ATG2B: variants seen among roughly 807,000 people sequenced by gnomAD.
ATG2B encodes the protein autophagy-related protein 2 homolog B.
Under a neutral mutation model 241.3 loss-of-function variants are expected in ATG2B, and 121 were observed. That is an observed-to-expected ratio of 0.50 (90% confidence interval 0.43 to 0.58). The LOEUF (loss-of-function observed/expected upper bound fraction) is 0.58. ATG2B is among the 20% of genes least tolerant of loss of function. ATG2B has a pLI of 0.00. For synonymous variants in ATG2B, 858 were observed against 876.6 expected, an observed-to-expected ratio of 0.98 and a Z score of 0.37; for missense variants, 2,306 against 2,491.6, an observed-to-expected ratio of 0.93 and a Z score of 1.59.
chr14:96,291,947 C>A, intron 37 of ATG2B, 82 bp downstream of exon 37: 1 of 986,264 alleles, frequency 1.0e-6, no homozygotes, highest in Non-Finnish European at 1.5e-6. Context: ...TAAACTATGA[C>A]AAAGCAAAGT....
In ATG2B at chr14:96,341,548, G is replaced by T. The variant is rs1770576338; in HGVS notation, c.898C>A (p.Gln300Lys). The change falls in exon 6 of 42, where the codon CAG becomes AAG. Residue 300 changes from glutamine (Q) to lysine (K), a missense_variant. Transcript: ENST00000359933. ...GRLELSLTLK[Q>K]NEVLPGAKLD... ...TTAGCTCCAGGAAGCACTTCATTCT[G>T]TTTCAACGTGAGACTCAACTCCAAC... 1.3e-6 allele frequency: 2 copies of T among 1,598,718 alleles called. No homozygotes were observed. Among genetic ancestry groups the T allele is most frequent in the African/African-American group, 1.3e-5 (1 of 74,612 alleles).
At chr14:96,317,021 G>C (rs935780990) in intron 20 of ATG2B, 124 bp downstream of exon 20, 1 of 943,370 alleles carries the variant, frequency 1.1e-6, no homozygotes. Context: ...CCAGGACACT[G>C]GTCTTCATCA....
chr14:96,308,233 TATATATATATATATATATACACACA>T (rs1566719582), intron 29 of ATG2B, among the ~76,000 whole-genome samples: 1 of 14,368 alleles, frequency 7.0e-5, no homozygotes, highest in African/African-American at 2.4e-4. Flanking sequence ...TATATATACA[TATATATATATATATATATACACACA>T]TATATATATA....
chr14:96,286,838 T>A (rs1886347130), intron 41 of ATG2B, among the ~76,000 whole-genome samples: 2 of 152,106 alleles, frequency 1.3e-5, no homozygotes, highest in Middle Eastern at 3.2e-3. Context: ...GAACTTTGAG[T>A]TCTCCAGGGA....
At position 96,312,155 on chromosome 14, in the gene ATG2B, T is replaced by C. The variant is rs376529462; in HGVS notation, c.3847A>G (p.Ile1283Val). 2 of 1,598,154 alleles carry C rather than the reference T, an allele frequency of 1.3e-6. No homozygotes were observed. The highest frequency in any genetic ancestry group is 1.4e-5 in the African/African-American group (1 of 73,648). ...AGATGTAAAGCAGCTTCATCCAAGA[T>C]TATTCTGAGGCAAGAAAGATAAAAC... ...LDKSSSTLRI[I>V]LDEAALHLSD... Residue 1283 changes from isoleucine (I) to valine (V), a missense_variant, in exon 26 of 42, where the codon ATC becomes GTC. Coordinates refer to ENST00000359933, the MANE Select transcript of ATG2B (RefSeq NM_018036.7).
At position 96,331,491 on chromosome 14, in the gene ATG2B, T is replaced by C; in HGVS notation, c.1615A>G (p.Met539Val). Residue 539 changes from methionine to valine, a missense_variant, in exon 11 of 42, where the codon ATG becomes GTG. Met to Val is a conservative substitution (Grantham distance 21, BLOSUM62 1). Transcript: ENST00000359933. ...TSQNLNPLTP[M>V]AVAFFTCIEK... ...ATACAAGTAAAGAAAGCTACTGCCA[T>C]AGGTGTCAATGGATTAAGGTTCTGT... 1 of 1,614,098 alleles carries C rather than the reference T, an allele frequency of 6.2e-7. No individual in the cohort carries two copies. Among genetic ancestry groups the C allele is most frequent in the Non-Finnish European group, 8.5e-7 (1 of 1,179,974 alleles).
chr14:96,354,661 TG>T (rs2139908767), intron 1 of ATG2B, among the ~76,000 whole-genome samples: 2 of 152,318 alleles, frequency 1.3e-5, no homozygotes, highest in African/African-American at 4.8e-5. Flanking sequence ...CTAGGTCAAA[TG>T]GTATTTCTGC....
chr14:96,307,952 C>G (rs1886998660), intron 29 of ATG2B, among the ~76,000 whole-genome samples: 1 of 151,728 alleles, frequency 6.6e-6, no homozygotes, highest in Non-Finnish European at 1.5e-5. Context: ...GCTGAGAACA[C>G]TAAGCTGAAT....
At chr14:96,352,435 C>T (rs1888351574) in intron 1 of ATG2B, among the ~76,000 whole-genome samples, 1 of 151,222 alleles carries the variant, frequency 6.6e-6, no homozygotes, top group East Asian at 1.9e-4. Context: ...TCAGGAGGTA[C>T]CCAGAAGAAG....
At chr14:96,325,004 T>A (rs1425534568) in intron 15 of ATG2B, among the ~76,000 whole-genome samples, 3 of 152,196 alleles carry the variant, frequency 2.0e-5, no homozygotes, top group African/African-American at 7.2e-5. Context: ...CTTGGTTCAC[T>A]TTAAAGTTTT....
chr14:96,306,239 G>A (rs561178863), intron 30 of ATG2B, among the ~76,000 whole-genome samples: 1 of 152,110 alleles, frequency 6.6e-6, no homozygotes, highest in African/African-American at 2.4e-5. Flanking sequence ...TAACCAGAAG[G>A]TTCTCAGAAC....
intron 12 of ATG2B, 73 bp downstream of exon 12, chr14:96,329,411 T>C: frequency 9.5e-7 from 1 of 1,050,582 alleles, no homozygotes; most frequent in Non-Finnish European, 1.3e-6. Context: ...AAGAAAATCA[T>C]TGCCTCATAC....
At chr14:96,296,145 G>A (rs186003347) in intron 34 of ATG2B, among the ~76,000 whole-genome samples, 31 of 152,294 alleles carry the variant, frequency 2.0e-4, no homozygotes, top group Admixed American at 1.4e-3. Context: ...AGTAGAGACC[G>A]GGTTTCACCA....
chr14:96,306,977 T>A, intron 29 of ATG2B, 61 bp from the exon 30 acceptor site: 1 of 1,367,476 alleles, frequency 7.3e-7, no homozygotes, highest in Non-Finnish European at 1.0e-6. Flanking sequence ...ACAAGCATTT[T>A]AACCATGTGT....
Position 96,290,003 on chromosome 14 carries a change from A to C in ATG2B, c.5857-198T>G. On this transcript the variant is annotated intron_variant, in intron 40 of 41. Coordinates refer to ENST00000359933, the MANE Select transcript of ATG2B (RefSeq NM_018036.7). This position sits in a 1 kb window ranked among gnomAD's most constrained non-coding sequence, Gnocchi z 4.4. ...GAGAACATAAAAGTATAAATTAATAACTAACACCTGGATTGAGCTAAATTT... is the reference window on the plus strand; with the variant it reads ...GAGAACATAAAAGTATAAATTAATACCTAACACCTGGATTGAGCTAAATTT... 1 of 870,438 alleles carries C rather than the reference A, an allele frequency of 1.1e-6. No homozygotes were observed. The highest frequency in any genetic ancestry group is 2.4e-4 in the Middle Eastern group (1 of 4,084). 53.9% of individuals were successfully genotyped at this position (870,438 alleles called of 1,614,324 possible). A position where few individuals can be genotyped will look rare whatever the true frequency, so the allele number is the denominator to read the frequency against.
chr14:96,345,275 G>A lies in ATG2B; in HGVS notation c.436C>T (p.Pro146Ser). The A allele has an allele frequency of 1.2e-6, 2 of 1,613,198 alleles. No homozygotes were observed. Among genetic ancestry groups the A allele is most frequent in the Non-Finnish European group, 8.5e-7 (1 of 1,179,526 alleles). Residue 146 changes from proline to serine, a missense_variant, in exon 3 of 42, where the codon CCT becomes TCT. Coordinates refer to ENST00000359933, the MANE Select transcript of ATG2B (RefSeq NM_018036.7). ...LTDEQGEGSQ[P>S]FEGLEKFAET... is the part of the protein sequence containing the mutation. Reference sequence around the variant, plus strand: ...GCAAACTTTTCAAGTCCTTCAAAAGGCTGGGATCCTTCTCCTTGTTCATCT... The same window carrying A: ...GCAAACTTTTCAAGTCCTTCAAAAGACTGGGATCCTTCTCCTTGTTCATCT...
At chr14:96,308,272 A>ATATATATATG (rs1887048264) in intron 29 of ATG2B, among the ~76,000 whole-genome samples, 10 of 25,860 alleles carry the variant, frequency 3.9e-4, no homozygotes, top group East Asian at 7.6e-4. Flanking sequence ...ATATATATAT[A>ATATATATATG]TATATATATA....
intron 1 of ATG2B, among the ~76,000 whole-genome samples, chr14:96,351,091 CA>C (rs1888305816): frequency 6.6e-6 from 1 of 152,206 alleles, no homozygotes; most frequent in African/African-American, 2.4e-5. Flanking sequence ...TCAAAGAACT[CA>C]GTGATGTTGC....
At chr14:96,317,029 T>A in intron 20 of ATG2B, 116 bp downstream of exon 20, 1 of 1,022,922 alleles carries the variant, frequency 9.8e-7, no homozygotes, top group Non-Finnish European at 1.4e-6. Flanking sequence ...CTGGTCTTCA[T>A]CAGTCCCTGA....
Sources: gnomAD v4.1 joint callset for allele counts (sites outside exome capture counted in the v4.1 genomes callset) on GRCh38, gnomAD v4.1.1 for gene constraint, Gnocchi (gnomAD v3.1) non-coding constraint, MANE v1.5 for transcripts, NCBI Gene and HGNC (gene_info 2026-07-23, HGNC 2026-07-21) for gene names.